Variants in FRMD4B observed in about 807,000 individuals in gnomAD.
FRMD4B encodes FERM domain-containing protein 4B.
A neutral mutation model predicts 141.5 loss-of-function variants in FRMD4B; 74 were observed. That is an observed-to-expected ratio of 0.52 (90% CI 0.43 to 0.63). FRMD4B has a LOEUF of 0.63. Ranked by LOEUF, FRMD4B falls within the 30% of genes least tolerant of loss-of-function variation. The pLI is 0.00. For missense variants in FRMD4B, 1,366 were observed against 1,253.4 expected (o/e 1.09, Z -1.36); for synonymous variants, 506 against 467.9 (o/e 1.08, Z -1.05).
chr3:69,386,072 C>G lies in FRMD4B; in HGVS notation c.-83G>C, dbSNP rs1371193833. 4.0e-6 allele frequency: 5 copies of G among 1,252,982 alleles called. No homozygotes were observed. In the East Asian group the frequency reaches 1.5e-4, roughly 38 times the overall value. 77.6% of individuals were successfully genotyped at this position (1,252,982 alleles called of 1,614,324 possible). On this transcript the variant is annotated 5_prime_UTR_variant, in exon 1 of 23. Transcript: ENST00000398540. ...CCAGCGGCCTGCCCGCCTGGGCTCC[C>G]GACGCCGGCTTCTGCTGGCAGCCGG... is the stretch of plus-strand genomic sequence containing the variant.
intron 1 of FRMD4B, among the ~76,000 whole-genome samples, chr3:69,492,717 G>C (rs1575589818): frequency 6.6e-6 from 1 of 152,182 alleles, no homozygotes; most frequent in South Asian, 2.1e-4. Flanking sequence ...ATTACCCTTA[G>C]TGCTCCATTT....
Position 69,193,876 on chromosome 3 carries a change from G to A in FRMD4B, c.1489-3C>T. On this transcript the variant is annotated splice_polypyrimidine_tract_variant and splice_region_variant and intron_variant, in intron 16 of 22. Transcript: ENST00000398540. ...TCCAGTTCTTGCAAAGCAGGATCCTGCATTTATACAATGATAGTTTTATTT... is the reference window on the plus strand; with the variant it reads ...TCCAGTTCTTGCAAAGCAGGATCCTACATTTATACAATGATAGTTTTATTT... The A allele has an allele frequency of 6.4e-7, 1 of 1,558,626 alleles. No homozygotes were observed.
chr3:69,536,418 C>T, intron 1 of FRMD4B: 1 of 713,100 alleles, frequency 1.4e-6, no homozygotes, highest in Non-Finnish European at 2.6e-6. Context: ...TCAGCAGATA[C>T]CTGAAGCGGA....
At chr3:69,247,462 C>T (rs4478079) in intron 7 of FRMD4B, among the ~76,000 whole-genome samples, 10,142 of 152,208 alleles carry the variant, frequency 0.067, 512 homozygotes, top group African/African-American at 0.14. Flanking sequence ...TCCCAGGAAA[C>T]GTGGCTTTTC....
chr3:69,503,980 T>C (rs1293371021), intron 1 of FRMD4B, among the ~76,000 whole-genome samples: 1 of 152,224 alleles, frequency 6.6e-6, no homozygotes, highest in Non-Finnish European at 1.5e-5. Context: ...TACATGCGAT[T>C]ATTGTCATAA....
intron 8 of FRMD4B, among the ~76,000 whole-genome samples, chr3:69,222,662 T>C (rs1171708998): frequency 6.6e-6 from 1 of 152,002 alleles, no homozygotes; most frequent in Admixed American, 6.6e-5. Flanking sequence ...TCCCAGCTAC[T>C]TAGGAGGCTG....
intron 1 of FRMD4B, among the ~76,000 whole-genome samples, chr3:69,497,103 G>A (rs1247926467): frequency 6.6e-6 from 1 of 151,986 alleles, no homozygotes; most frequent in African/African-American, 2.4e-5. Context: ...AAGCTTTAAG[G>A]GCTATCACAA....
At chr3:69,503,161 T>C (rs1220336845) in intron 1 of FRMD4B, among the ~76,000 whole-genome samples, 1 of 152,120 alleles carries the variant, frequency 6.6e-6, no homozygotes, top group Non-Finnish European at 1.5e-5. Flanking sequence ...GAAATACCAT[T>C]TGACCCAGCC....
intron 1 of FRMD4B, among the ~76,000 whole-genome samples, chr3:69,314,172 A>AAAAAAAAC (rs1701717502): frequency 1.8e-5 from 2 of 112,274 alleles, no homozygotes; most frequent in Admixed American, 1.1e-4. Flanking sequence ...AAAAAAAAAA[A>AAAAAAAAC]AGCCTCTCCA....
intron 1 of FRMD4B, among the ~76,000 whole-genome samples, chr3:69,341,420 G>A (rs1702735220): frequency 6.6e-6 from 1 of 152,184 alleles, no homozygotes; most frequent in Non-Finnish European, 1.5e-5. Context: ...GAGGGAACCT[G>A]CCTCCTCTGC....
At chr3:69,479,480 A>C (rs985574611) in intron 1 of FRMD4B, among the ~76,000 whole-genome samples, 1 of 151,880 alleles carries the variant, frequency 6.6e-6, no homozygotes, top group African/African-American at 2.4e-5. Context: ...TAGTTTGGCT[A>C]GATATGAAAT....
intron 9 of FRMD4B, among the ~76,000 whole-genome samples, chr3:69,218,905 G>T (rs905822082): frequency 1.3e-5 from 2 of 152,186 alleles, no homozygotes; most frequent in Non-Finnish European, 2.9e-5. Flanking sequence ...GCTCACGCCT[G>T]TAATCCCAGC....
intron 7 of FRMD4B, 35 bp from the exon 8 acceptor site, chr3:69,224,725 T>C (rs940464245): frequency 2.9e-6 from 3 of 1,020,532 alleles, no homozygotes; most frequent in East Asian, 5.1e-5. Context: ...TGTCAGGTAC[T>C]GTTATCCAAA....
intron 17 of FRMD4B, 43 bp downstream of exon 17, chr3:69,193,605 C>T (rs7635306): frequency 0.038 from 39,865 of 1,038,448 alleles, 4,309 homozygotes; most frequent in East Asian, 0.31. Flanking sequence ...CCATGAAGTA[C>T]TGAGTAGGGG....
intron 1 of FRMD4B, among the ~76,000 whole-genome samples, chr3:69,475,930 T>C (rs9681360): frequency 6.6e-6 from 1 of 151,722 alleles, no homozygotes; most frequent in Non-Finnish European, 1.5e-5. Flanking sequence ...TCATTGTGGT[T>C]TTGATTTGCA....
chr3:69,190,310 T>C (rs973599280), intron 17 of FRMD4B, among the ~76,000 whole-genome samples: 1 of 152,126 alleles, frequency 6.6e-6, no homozygotes, highest in African/African-American at 2.4e-5. Context: ...ATTCTTATCA[T>C]AAATGCTAAA....
At chr3:69,474,722 T>C (rs181898657) in intron 1 of FRMD4B, among the ~76,000 whole-genome samples, 3 of 152,336 alleles carry the variant, frequency 2.0e-5, no homozygotes, top group Admixed American at 2.0e-4. Context: ...TACTCATCCA[T>C]TCAGTCACCA....
chr3:69,279,918 C>A (rs2093637115), intron 5 of FRMD4B, among the ~76,000 whole-genome samples: 1 of 151,898 alleles, frequency 6.6e-6, no homozygotes, highest in Non-Finnish European at 1.5e-5. Flanking sequence ...TTCATTATTA[C>A]CATATTTATA....
intron 1 of FRMD4B, among the ~76,000 whole-genome samples, chr3:69,475,042 C>T (rs953804884): frequency 2.1e-4 from 32 of 152,082 alleles, no homozygotes; most frequent in African/African-American, 7.5e-4. Flanking sequence ...TACATAGCAA[C>T]GTGACCTCGG....
Sources: allele counts gnomAD v4.1 joint callset (sites outside exome capture counted in the v4.1 genomes callset), GRCh38; gene constraint gnomAD v4.1.1; transcripts MANE v1.5; gene names NCBI Gene and HGNC (gene_info 2026-07-23, HGNC 2026-07-21).